PARP8: variants seen among roughly 807,000 people sequenced by gnomAD.
PARP8 encodes the protein protein mono-ADP-ribosyltransferase PARP8.
PARP8 carries 51 observed loss-of-function variants against 124.1 expected under a neutral mutation model. The ratio of observed to expected loss-of-function variants is 0.41; its 90% CI spans 0.33 to 0.52. The LOEUF (loss-of-function observed/expected upper bound fraction) is 0.52, where lower values mean the gene tolerates loss of function less well. Ranked by LOEUF, PARP8 falls within the 20% of genes least tolerant of loss-of-function variation. PARP8 has a pLI of 0.21. For synonymous variants in PARP8, 391 were observed against 361.5 expected (o/e 1.08, Z -0.93); for missense variants, 860 against 1,018.9 (o/e 0.84, Z 2.12).
rs538883160 is a variant in PARP8, at chr5:50,679,032, G to C, written c.146+10907G>C. ...TTTATTTGTAACATGTACTATTATT[G>C]AATAACAATTTCTAATAAAAAACTA... On this transcript the variant is annotated intron_variant, in intron 2 of 25. Coordinates refer to ENST00000281631, the MANE Select transcript of PARP8 (RefSeq NM_024615.4). 3.9e-5 allele frequency among the ~76,000 whole-genome samples: 6 copies of C among 152,008 alleles called. No homozygotes were observed. In the South Asian group the frequency reaches 1.2e-3, roughly 32 times the overall value.
At chr5:50,769,190 G>A (rs532546859) in intron 7 of PARP8, among the ~76,000 whole-genome samples, 4 of 152,020 alleles carry the variant, frequency 2.6e-5, no homozygotes, top group South Asian at 2.1e-4. Flanking sequence ...ATATATGCAC[G>A]TTCTGATTAT....
intron 2 of PARP8, among the ~76,000 whole-genome samples, chr5:50,678,561 G>GAT (rs1255753830): frequency 1.3e-5 from 2 of 152,082 alleles, no homozygotes; most frequent in African/African-American, 4.8e-5. Flanking sequence ...GATAAATATA[G>GAT]ATATATGAGA....
intron 2 of PARP8, among the ~76,000 whole-genome samples, chr5:50,705,133 A>G (rs1754001152): frequency 6.6e-6 from 1 of 152,240 alleles, no homozygotes; most frequent in South Asian, 2.1e-4. Context: ...ACTTTCAAAA[A>G]TAGTTTACTG....
chr5:50,709,663 A>G (rs532229578), intron 2 of PARP8, among the ~76,000 whole-genome samples: 77 of 152,088 alleles, frequency 5.1e-4, no homozygotes, highest in African/African-American at 1.8e-3. Context: ...ACAGGCTTAC[A>G]GTGTCTTCAC....
chr5:50,780,551 A>G (rs947603514), intron 9 of PARP8, among the ~76,000 whole-genome samples: 1 of 152,096 alleles, frequency 6.6e-6, no homozygotes, highest in African/African-American at 2.4e-5. Context: ...GATTTTTTAC[A>G]TTTGCGTGGT....
At chr5:50,760,419 C>G (rs894697102) in intron 5 of PARP8, 57 bp downstream of exon 5, 14 of 1,264,230 alleles carry the variant, frequency 1.1e-5, no homozygotes, top group South Asian at 3.5e-5. Flanking sequence ...TTAAAATTTA[C>G]TGGGTTTTTG....
chr5:50,753,560 T>G (rs965546353), intron 3 of PARP8, among the ~76,000 whole-genome samples: 1 of 152,094 alleles, frequency 6.6e-6, no homozygotes, highest in Non-Finnish European at 1.5e-5. Flanking sequence ...TCATTGATTT[T>G]TGGATTCAGG....
chr5:50,726,128 T>A (rs1756404130), intron 2 of PARP8, among the ~76,000 whole-genome samples: 1 of 152,060 alleles, frequency 6.6e-6, no homozygotes, highest in African/African-American at 2.4e-5. Context: ...TTTTTTAAAT[T>A]TTTTATTTTT....
intron 15 of PARP8, 52 bp from the exon 16 acceptor site, chr5:50,821,161 A>G: frequency 1.9e-6 from 3 of 1,603,316 alleles, no homozygotes; most frequent in Non-Finnish European, 2.6e-6. Flanking sequence ...ACAATGGCAA[A>G]GCACTGGATA....
chr5:50,768,803 A>G (rs770843033), intron 7 of PARP8, among the ~76,000 whole-genome samples: 25 of 152,102 alleles, frequency 1.6e-4, no homozygotes, highest in Non-Finnish European at 3.2e-4. Context: ...ATCTGGACAA[A>G]CTGTAATCAC....
intron 5 of PARP8, among the ~76,000 whole-genome samples, chr5:50,761,240 T>C (rs1369556914): frequency 6.6e-6 from 1 of 152,094 alleles, no homozygotes; most frequent in Non-Finnish European, 1.5e-5. Context: ...ACATGGCAGA[T>C]GTGGCTCAGT....
intron 14 of PARP8, among the ~76,000 whole-genome samples, chr5:50,799,503 T>C (rs920092041): frequency 6.6e-6 from 1 of 152,222 alleles, no homozygotes; most frequent in Non-Finnish European, 1.5e-5. Flanking sequence ...GAGGCAGAAA[T>C]CCTTTGTTTG....
chr5:50,756,237 A>C (rs1290596350), intron 3 of PARP8, among the ~76,000 whole-genome samples: 1 of 152,078 alleles, frequency 6.6e-6, no homozygotes, highest in African/African-American at 2.4e-5. Flanking sequence ...GAGTGGTGAG[A>C]GAGGGCATCC....
chr5:50,715,011 CT>C (rs144190430), intron 2 of PARP8, among the ~76,000 whole-genome samples: 3,340 of 151,826 alleles, frequency 0.022, 123 homozygotes, highest in African/African-American at 0.076. Flanking sequence ...TGAATTTATG[CT>C]TTTTTTTCCT....
At chr5:50,790,147 C>T (rs72756138) in intron 10 of PARP8, among the ~76,000 whole-genome samples, 9,689 of 152,136 alleles carry the variant, frequency 0.064, 361 homozygotes, top group South Asian at 0.19. Context: ...CAAAGATATG[C>T]AAATATAAAA....
intron 15 of PARP8, among the ~76,000 whole-genome samples, chr5:50,819,427 C>CTTCT (rs1745491248): frequency 2.1e-5 from 1 of 46,640 alleles, no homozygotes; most frequent in African/African-American, 9.5e-5. Context: ...ATTTTATCTT[C>CTTCT]TTTTTTTTTT....
At chr5:50,805,076 C>T (rs1743675933) in intron 14 of PARP8, among the ~76,000 whole-genome samples, 1 of 152,022 alleles carries the variant, frequency 6.6e-6, no homozygotes, top group South Asian at 2.1e-4. Context: ...TTGACTCAGG[C>T]CATTTTTGCC....
At chr5:50,805,585 C>A (rs913027313) in intron 14 of PARP8, among the ~76,000 whole-genome samples, 9 of 152,082 alleles carry the variant, frequency 5.9e-5, no homozygotes, top group African/African-American at 2.2e-4. Context: ...GATTCTGTTA[C>A]ACTTTTTAAA....
At chr5:50,695,919 AT>A (rs1259382101) in intron 2 of PARP8, among the ~76,000 whole-genome samples, 1 of 152,148 alleles carries the variant, frequency 6.6e-6, no homozygotes, top group East Asian at 1.9e-4. Context: ...TTTGAGTTGA[AT>A]TTACTGTTAA....
Sources: gnomAD v4.1 joint callset for allele counts (sites outside exome capture counted in the v4.1 genomes callset) on GRCh38, gnomAD v4.1.1 for gene constraint, MANE v1.5 for transcripts, NCBI Gene and HGNC (gene_info 2026-07-23, HGNC 2026-07-21) for gene names.